CADM2: variants seen among roughly 807,000 people sequenced by gnomAD.
The protein encoded by CADM2 is cell adhesion molecule 2.
A neutral mutation model predicts 49.8 loss-of-function variants in CADM2; 12 were observed. The observed-to-expected ratio is 0.24, with a 90% CI of 0.15 to 0.39. The LOEUF is 0.39. Ranked by LOEUF, CADM2 falls within the 10% of genes least tolerant of loss-of-function variation. The pLI, the probability that CADM2 is intolerant of heterozygous loss-of-function variation, is 1.00. For missense variants in CADM2, 378 were observed against 492.3 expected (o/e 0.77, Z 2.20); for synonymous variants, 214 against 175.4 (o/e 1.22, Z -1.74).
At chr3:85,586,111 A>G (rs983626687) in intron 1 of CADM2, among the ~76,000 whole-genome samples, 9 of 152,008 alleles carry the variant, frequency 5.9e-5, no homozygotes, top group Non-Finnish European at 1.2e-4. Flanking sequence ...TGCTGTTCCC[A>G]TTTGTCCGGT....
intron 1 of CADM2, among the ~76,000 whole-genome samples, chr3:85,050,778 T>A (rs1481681449): frequency 6.6e-6 from 1 of 152,200 alleles, no homozygotes; most frequent in Non-Finnish European, 1.5e-5. Context: ...TTGTGGAAAC[T>A]ACATTTAATT....
At chr3:85,468,046 T>C (rs967319235) in intron 1 of CADM2, among the ~76,000 whole-genome samples, 6 of 145,392 alleles carry the variant, frequency 4.1e-5, no homozygotes, top group Admixed American at 7.1e-5. Flanking sequence ...CCCAGCTACT[T>C]GGGAGGCTGA....
chr3:85,955,133 T>C (rs899348088), intron 7 of CADM2, among the ~76,000 whole-genome samples: 2 of 151,434 alleles, frequency 1.3e-5, no homozygotes, highest in African/African-American at 4.8e-5. Flanking sequence ...TTGAAATTTT[T>C]GTTCATTTTT....
chr3:85,724,799 A>G (rs1222235246), intron 1 of CADM2, among the ~76,000 whole-genome samples: 5 of 151,910 alleles, frequency 3.3e-5, no homozygotes, highest in Non-Finnish European at 7.4e-5. Context: ...TTACTTTGCT[A>G]TATTACCTGT....
intron 1 of CADM2, among the ~76,000 whole-genome samples, chr3:85,043,027 C>T (rs1004079638): frequency 2.6e-5 from 4 of 152,096 alleles, no homozygotes; most frequent in African/African-American, 9.7e-5. Flanking sequence ...GAAATGACAA[C>T]ACAAAGGCAT....
chr3:85,620,131 G>A (rs2063928063), intron 1 of CADM2, among the ~76,000 whole-genome samples: 1 of 151,956 alleles, frequency 6.6e-6, no homozygotes, highest in South Asian at 2.1e-4. Context: ...CAAGTCCTTG[G>A]GTACCAGAGT....
chr3:85,271,857 C>G (rs1376497708), intron 1 of CADM2, among the ~76,000 whole-genome samples: 1 of 150,906 alleles, frequency 6.6e-6, no homozygotes, highest in African/African-American at 2.4e-5. Context: ...TTATTACTAC[C>G]CAAAAAGAAA....
intron 1 of CADM2, among the ~76,000 whole-genome samples, chr3:85,684,052 T>C (rs745825005): frequency 2.0e-5 from 3 of 152,146 alleles, no homozygotes; most frequent in Non-Finnish European, 4.4e-5. Flanking sequence ...TTCCCACCGA[T>C]TGGTGGATCA....
intron 5 of CADM2, among the ~76,000 whole-genome samples, chr3:85,900,183 T>C (rs568122054): frequency 1.3e-5 from 2 of 152,318 alleles, no homozygotes; most frequent in South Asian, 2.1e-4. Context: ...AAATTATTGT[T>C]TTCAGGTGAA....
chr3:85,680,328 C>CT (rs2066004467), intron 1 of CADM2, among the ~76,000 whole-genome samples: 1 of 152,016 alleles, frequency 6.6e-6, no homozygotes, highest in South Asian at 2.1e-4. Context: ...TTTGACTAAG[C>CT]TTCCTCTAGA....
intron 1 of CADM2, among the ~76,000 whole-genome samples, chr3:85,682,498 G>A (rs1256257812): frequency 6.6e-6 from 1 of 152,048 alleles, no homozygotes; most frequent in African/African-American, 2.4e-5. Context: ...ATTAAAAGAA[G>A]CTAGTTTCAG....
chr3:85,164,957 T>C (rs2040430490), intron 1 of CADM2, among the ~76,000 whole-genome samples: 1 of 151,904 alleles, frequency 6.6e-6, no homozygotes, highest in South Asian at 2.1e-4. Context: ...AAAGTGTATG[T>C]GTGTACATAT....
At chr3:86,037,240 C>G (rs1167873321) in intron 8 of CADM2, among the ~76,000 whole-genome samples, 1 of 152,144 alleles carries the variant, frequency 6.6e-6, no homozygotes. Flanking sequence ...TGCCCCCATA[C>G]TTGCTACTTT....
At chr3:85,345,912 A>C (rs766966853) in intron 1 of CADM2, among the ~76,000 whole-genome samples, 1 of 152,312 alleles carries the variant, frequency 6.6e-6, no homozygotes, top group African/African-American at 2.4e-5. Context: ...CTTAATCTCC[A>C]ATTGTTCAGA....
chr3:86,056,299 G>T (rs1737983016), intron 8 of CADM2, among the ~76,000 whole-genome samples: 1 of 152,190 alleles, frequency 6.6e-6, no homozygotes, highest in South Asian at 2.1e-4. Flanking sequence ...ACTTGAAATA[G>T]TCAAGGAAAT....
At chr3:85,040,103 T>C (rs1022561925) in intron 1 of CADM2, among the ~76,000 whole-genome samples, 11 of 152,144 alleles carry the variant, frequency 7.2e-5, no homozygotes, top group Admixed American at 2.0e-4. Context: ...CTAATAAACC[T>C]AAAAGGAAGA....
intron 3 of CADM2, among the ~76,000 whole-genome samples, chr3:85,871,726 C>G (rs888498842): frequency 2.0e-5 from 3 of 152,142 alleles, no homozygotes; most frequent in Non-Finnish European, 4.4e-5. Flanking sequence ...TCATCATCAT[C>G]ATGTGATTTT....
intron 5 of CADM2, among the ~76,000 whole-genome samples, chr3:85,894,839 G>A (rs951696847): frequency 6.6e-6 from 1 of 152,206 alleles, no homozygotes; most frequent in Non-Finnish European, 1.5e-5. Flanking sequence ...GCAGTGTTGA[G>A]CTTGTGGGTA....
At chr3:85,421,447 A>G (rs1165031776) in intron 1 of CADM2, among the ~76,000 whole-genome samples, 1 of 152,196 alleles carries the variant, frequency 6.6e-6, no homozygotes, top group African/African-American at 2.4e-5. Context: ...TAATTCATGC[A>G]GAAGAATCAG....
Sources: gnomAD v4.1 joint callset for allele counts (sites outside exome capture counted in the v4.1 genomes callset) on GRCh38, gnomAD v4.1.1 for gene constraint, MANE v1.5 for transcripts, NCBI Gene and HGNC (gene_info 2026-07-23, HGNC 2026-07-21) for gene names.